The following EYS variants were observed in gnomAD, a reference collection of about 807,000 sequenced individuals.
EYS encodes protein eyes shut homolog.
EYS carries 250 observed loss-of-function variants against 282.1 expected under a neutral mutation model. The ratio of observed to expected loss-of-function variants is 0.89; its 90% CI spans 0.80 to 0.98. The LOEUF (loss-of-function observed/expected upper bound fraction) is 0.98. Ranked by LOEUF, EYS falls within the 50% of genes least tolerant of loss-of-function variation. EYS has a pLI of 0.00. For synonymous variants in EYS, 1,355 were observed against 1,282.9 expected (o/e 1.06, Z -1.20); for missense variants, 4,016 against 3,709.0 (o/e 1.08, Z -2.15).
At chr6:64,185,479 C>G (rs776095963) in intron 31 of EYS, among the ~76,000 whole-genome samples, 1 of 152,080 alleles carries the variant, frequency 6.6e-6, no homozygotes, top group African/African-American at 2.4e-5. Context: ...GTCCATCTGC[C>G]TTTTCTGTAA....
intron 37 of EYS, among the ~76,000 whole-genome samples, chr6:63,790,754 G>A (rs1290416909): frequency 6.6e-6 from 1 of 152,194 alleles, no homozygotes; most frequent in Non-Finnish European, 1.5e-5. Flanking sequence ...TGGGAGGGGT[G>A]GAGGAGGAAA....
intron 28 of EYS, among the ~76,000 whole-genome samples, chr6:64,398,501 G>A (rs1466960321): frequency 1.4e-5 from 2 of 138,188 alleles, no homozygotes; most frequent in Admixed American, 1.4e-4. Context: ...ATATTGTCAG[G>A]TTTTACACAC....
At chr6:63,731,316 G>T (rs1032980491) in intron 41 of EYS, among the ~76,000 whole-genome samples, 1 of 152,144 alleles carries the variant, frequency 6.6e-6, no homozygotes, top group African/African-American at 2.4e-5. Flanking sequence ...TTTCTCGTGT[G>T]AATATTGGCC....
chr6:65,413,737 C>T (rs1244417184), intron 5 of EYS, among the ~76,000 whole-genome samples: 2 of 151,892 alleles, frequency 1.3e-5, no homozygotes, highest in East Asian at 3.9e-4. Context: ...GCACCTGTAA[C>T]CCCTGCTACT....
intron 12 of EYS, among the ~76,000 whole-genome samples, chr6:65,083,623 C>T (rs1028810099): frequency 6.6e-6 from 1 of 151,626 alleles, no homozygotes; most frequent in African/African-American, 2.4e-5. Flanking sequence ...CCCTGTTTTC[C>T]TAATCATTAT....
At chr6:63,963,192 G>A (rs1248194790) in intron 35 of EYS, among the ~76,000 whole-genome samples, 1 of 151,694 alleles carries the variant, frequency 6.6e-6, no homozygotes, top group Non-Finnish European at 1.5e-5. Flanking sequence ...GTTAATGGGT[G>A]CAGCACACCA....
intron 29 of EYS, chr6:64,379,779 T>G: frequency 6.6e-6 from 1 of 152,164 alleles, no homozygotes; most frequent in East Asian, 1.9e-4. Context: ...CTGTGCAATT[T>G]ATATGCTGAG....
intron 12 of EYS, among the ~76,000 whole-genome samples, chr6:65,159,085 ATCTG>A (rs1306849082): frequency 2.0e-5 from 3 of 150,784 alleles, no homozygotes; most frequent in South Asian, 2.1e-4. Flanking sequence ...CTCTTTTGGG[ATCTG>A]TCTTTTATGT....
chr6:64,970,034 A>G (rs1215405758), intron 14 of EYS, among the ~76,000 whole-genome samples: 1 of 152,198 alleles, frequency 6.6e-6, no homozygotes, highest in East Asian at 1.9e-4. Context: ...ACAGGTTTGA[A>G]ATGGACACAT....
chr6:65,667,002 C>G (rs1277296242), intron 1 of EYS, among the ~76,000 whole-genome samples: 1 of 150,630 alleles, frequency 6.6e-6, no homozygotes, highest in Non-Finnish European at 1.5e-5. Context: ...TCCATCAATA[C>G]ATATGCCTGG....
At chr6:63,889,858 T>C (rs1200256344) in intron 35 of EYS, among the ~76,000 whole-genome samples, 1 of 152,070 alleles carries the variant, frequency 6.6e-6, no homozygotes, top group East Asian at 1.9e-4. Flanking sequence ...CTTCTCAGTC[T>C]GCTGTATTCA....
chr6:65,072,106 A>G lies in EYS; in HGVS notation c.2024-14379T>C, dbSNP rs143283275. 8.9e-3 allele frequency among the ~76,000 whole-genome samples: 1,347 copies of G among 151,956 alleles called. 39 individuals are homozygous for G. The highest frequency in any genetic ancestry group is 8.9e-3 in the Non-Finnish European group (602 of 67,856). On this transcript the variant is annotated intron_variant, in intron 12 of 42. Coordinates refer to ENST00000503581, the MANE Select transcript of EYS (RefSeq NM_001142800.2). ...TCCGAAGGATTTTGTCTGCTTGTAC[A>G]ATGTGGGATTAAAACAGATAAACAA...
intron 12 of EYS, among the ~76,000 whole-genome samples, chr6:65,295,606 A>G (rs1440454150): frequency 6.6e-6 from 1 of 151,824 alleles, no homozygotes; most frequent in East Asian, 1.9e-4. Flanking sequence ...GACATATACC[A>G]TCATATTCCC....
At chr6:63,853,719 C>G (rs1361696534) in intron 36 of EYS, among the ~76,000 whole-genome samples, 2 of 152,152 alleles carry the variant, frequency 1.3e-5, no homozygotes, top group Non-Finnish European at 2.9e-5. Context: ...CATCACACTA[C>G]CTGACTTCAA....
At chr6:65,466,777 C>T (rs899987103) in intron 5 of EYS, among the ~76,000 whole-genome samples, 3 of 152,028 alleles carry the variant, frequency 2.0e-5, no homozygotes, top group African/African-American at 7.2e-5. Context: ...GTGAGGAGGC[C>T]ACCATCCAGA....
chr6:63,927,545 G>A (rs911123860), intron 35 of EYS, among the ~76,000 whole-genome samples: 2 of 152,128 alleles, frequency 1.3e-5, no homozygotes, highest in Non-Finnish European at 2.9e-5. Context: ...TTCTGTTGTG[G>A]GCTGAGTGTG....
intron 22 of EYS, among the ~76,000 whole-genome samples, chr6:64,725,237 A>G (rs956616361): frequency 2.6e-5 from 4 of 152,138 alleles, no homozygotes; most frequent in African/African-American, 9.7e-5. Context: ...AGTAAGTCCT[A>G]CAATTCCTTA....
intron 22 of EYS, among the ~76,000 whole-genome samples, chr6:64,670,850 T>C (rs1413610304): frequency 6.6e-6 from 1 of 152,120 alleles, no homozygotes; most frequent in Non-Finnish European, 1.5e-5. Context: ...TCAGGTATAT[T>C]AAGGATAGTA....
intron 19 of EYS, among the ~76,000 whole-genome samples, chr6:64,862,279 A>G (rs561070171): frequency 6.6e-6 from 1 of 152,080 alleles, no homozygotes; most frequent in African/African-American, 2.4e-5. Flanking sequence ...TTCAGCTGCA[A>G]TTCTCTGAAT....
Sources: allele counts gnomAD v4.1 joint callset (sites outside exome capture counted in the v4.1 genomes callset), GRCh38; gene constraint gnomAD v4.1.1; transcripts MANE v1.5; gene names NCBI Gene and HGNC (gene_info 2026-07-23, HGNC 2026-07-21).